The following CORO7 variants were observed in gnomAD, a reference collection of about 807,000 sequenced individuals.
CORO7 encodes coronin 7, also known as coronin-7.
Under a neutral mutation model 126.6 loss-of-function variants are expected in CORO7, and 107 were observed. That is an observed-to-expected ratio of 0.85 (90% CI 0.72 to 0.99). CORO7 has a LOEUF of 0.99. CORO7 is among the 50% of genes least tolerant of loss of function. The pLI, the probability that CORO7 is intolerant of heterozygous loss-of-function variation, is 0.00. For missense variants in CORO7, 1,314 were observed against 1,255.8 expected, an observed-to-expected ratio of 1.05 and a Z score of -0.70; for synonymous variants, 603 against 536.8, an observed-to-expected ratio of 1.12 and a Z score of -1.70.
rs1345132853 is a variant in CORO7, at chr16:4,408,214, G to T, written c.270C>A (p.Asp90Glu). The T allele has an allele frequency of 1.2e-6, 2 of 1,614,120 alleles. No homozygotes were observed. The highest frequency in any genetic ancestry group is 1.3e-5 in the African/African-American group (1 of 74,934). Residue 90 changes from aspartate (D) to glutamate (E), a missense_variant, in exon 4 of 28, where the codon GAC becomes GAA. Asp to Glu is a conservative substitution (Grantham distance 45, BLOSUM62 2). Coordinates refer to ENST00000251166, the MANE Select transcript of CORO7 (RefSeq NM_024535.5). ...CAGCCGAGCCTGTGGCCAGGAGGAA[G>T]TCATCAAAGGGCGAGAAGTCCAAGT... ...VTDLDFSPFDDFLLATGSADR... is the reference protein window; with the variant it reads ...VTDLDFSPFDEFLLATGSADR...
At chr16:4,395,223 T>G in intron 7 of CORO7, 66 bp downstream of exon 7, 1 of 1,611,368 alleles carries the variant, frequency 6.2e-7, no homozygotes, top group Non-Finnish European at 8.5e-7. Context: ...CTCCACCTGC[T>G]AGAACCACTG....
chr16:4,381,894 C>T, intron 9 of CORO7: 3 of 1,605,810 alleles, frequency 1.9e-6, no homozygotes, highest in Non-Finnish European at 2.5e-6. Flanking sequence ...GCCGGCTGCT[C>T]CTGGAGCTTG....
At chr16:4,356,961 G>A in intron 26 of CORO7, 1 of 685,080 alleles carries the variant, frequency 1.5e-6, no homozygotes, top group East Asian at 2.8e-5. Flanking sequence ...CCTGGCCAGG[G>A]CAGGGCTCCC....
In CORO7 at chr16:4,370,597, C is replaced by T. The variant is rs570034098; in HGVS notation, c.786-5052G>A. On this transcript the variant is annotated intron_variant, in intron 9 of 27. Coordinates refer to ENST00000251166, the MANE Select transcript of CORO7 (RefSeq NM_024535.5). ...GCCCTAATCCATGTAGACCGAGAAA[C>T]GTATGGGTTGTGGAGCCCTGCCAGC... Among the ~76,000 whole-genome samples the T allele has an allele frequency of 2.6e-5, 4 of 152,342 alleles. No homozygotes were observed. The East Asian group carries it at 7.7e-4, about 29-fold the overall frequency.
At position 4,364,428 on chromosome 16, in the gene CORO7, G is replaced by A. The variant is rs1213856980; in HGVS notation, c.1138-15C>T. The A allele has an allele frequency of 4.0e-6, 6 of 1,493,620 alleles. No homozygotes were observed. The highest frequency in any genetic ancestry group is 2.3e-4 in the Middle Eastern group (1 of 4,260). 92.5% of individuals were successfully genotyped at this position (1,493,620 alleles called of 1,614,324 possible). A position where few individuals can be genotyped will look rare whatever the true frequency, so the allele number is the denominator to read the frequency against. On this transcript the variant is annotated splice_polypyrimidine_tract_variant and intron_variant, in intron 13 of 27. Coordinates refer to ENST00000251166, the MANE Select transcript of CORO7 (RefSeq NM_024535.5). ...ACCTTCTGCACCTGCATGGAGGCCG[G>A]CAGTGGGGAGATGGGGGCATGGGCT...
chr16:4,402,681 C>T (rs556272625), intron 6 of CORO7, among the ~76,000 whole-genome samples: 5 of 152,264 alleles, frequency 3.3e-5, no homozygotes, highest in South Asian at 2.1e-4. Context: ...GAGCTTAACG[C>T]GGGGTCCAAA....
intron 6 of CORO7, among the ~76,000 whole-genome samples, chr16:4,405,029 G>C (rs986601639): frequency 6.6e-6 from 1 of 152,130 alleles, no homozygotes; most frequent in Non-Finnish European, 1.5e-5. Context: ...ACGCGTCCCT[G>C]GCCTGTCCAA....
At chr16:4,385,929 C>T (rs1454113851) in intron 9 of CORO7, among the ~76,000 whole-genome samples, 1 of 152,244 alleles carries the variant, frequency 6.6e-6, no homozygotes, top group Non-Finnish European at 1.5e-5. Flanking sequence ...ATGCAGTTGC[C>T]AACCTCCCCA....
chr16:4,380,098 T>C (rs2054899656), intron 9 of CORO7, among the ~76,000 whole-genome samples: 1 of 146,292 alleles, frequency 6.8e-6, no homozygotes, highest in Non-Finnish European at 1.5e-5. Flanking sequence ...CTCTGCAGAG[T>C]TTTCCCAGGC....
At chr16:4,408,581 T>C (rs1362221298) in intron 3 of CORO7, among the ~76,000 whole-genome samples, 1 of 152,232 alleles carries the variant, frequency 6.6e-6, no homozygotes, top group East Asian at 1.9e-4. Context: ...CACTGCTCCT[T>C]CAGTCGTGGA....
At chr16:4,370,684 C>T (rs914977563) in intron 9 of CORO7, among the ~76,000 whole-genome samples, 4 of 152,178 alleles carry the variant, frequency 2.6e-5, no homozygotes, top group African/African-American at 9.7e-5. Flanking sequence ...GGTGACTGTC[C>T]CAGCCAGGCC....
intron 21 of CORO7, 71 bp downstream of exon 21, chr16:4,360,207 G>T: frequency 6.3e-7 from 1 of 1,597,576 alleles, no homozygotes; most frequent in South Asian, 1.1e-5. Flanking sequence ...CCTGACAAAT[G>T]TATGTGACTG....
intron 9 of CORO7, among the ~76,000 whole-genome samples, chr16:4,367,786 G>A (rs1032232618): frequency 1.3e-5 from 2 of 152,300 alleles, no homozygotes; most frequent in East Asian, 1.9e-4. Flanking sequence ...GTGGGTGAGG[G>A]CTGAGGCTCA....
At chr16:4,399,880 C>G (rs941003198) in intron 6 of CORO7, among the ~76,000 whole-genome samples, 4 of 152,056 alleles carry the variant, frequency 2.6e-5, no homozygotes, top group Admixed American at 2.6e-4. Context: ...TATGTGTTTT[C>G]TTACCACAAT....
chr16:4,402,978 G>T (rs2055867592), intron 6 of CORO7, among the ~76,000 whole-genome samples: 1 of 152,132 alleles, frequency 6.6e-6, no homozygotes, highest in Non-Finnish European at 1.5e-5. Flanking sequence ...GGACAGGAGT[G>T]GAAGCCAGGG....
rs374950103 is a variant in CORO7 at position 4,382,627 on chromosome 16, G to A, written c.785+5359C>T. ...GCTCCTCATTGCGCCCGCCCTGGCC[G>A]CGGTGCTCCTGGCCGCGCTGGCTGC... On this transcript the variant is annotated intron_variant, in intron 9 of 27. Transcript: ENST00000251166. 1.5e-4 allele frequency: 240 copies of A among 1,571,692 alleles called. No individual in the cohort carries two copies. The highest frequency in any genetic ancestry group is 5.0e-4 in the Middle Eastern group (3 of 5,968).
chr16:4,378,870 C>T (rs1426212112), intron 9 of CORO7, among the ~76,000 whole-genome samples: 2 of 152,008 alleles, frequency 1.3e-5, no homozygotes, highest in African/African-American at 2.4e-5. Flanking sequence ...TGCTTGTTGT[C>T]GCTAACTGGC....
intron 2 of CORO7, 106 bp from the exon 3 acceptor site, chr16:4,412,536 C>A: frequency 8.6e-7 from 1 of 1,167,094 alleles, no homozygotes; most frequent in Non-Finnish European, 1.3e-6. Flanking sequence ...TCGGACCTTC[C>A]CAGAGCCTCT....
chr16:4,382,990 C>T (rs2055055710), intron 9 of CORO7: 1 of 1,347,382 alleles, frequency 7.4e-7, no homozygotes, highest in Admixed American at 3.1e-5. Context: ...GTTCTCAGTC[C>T]CAACCTCGGG....
Sources: allele counts gnomAD v4.1 joint callset (sites outside exome capture counted in the v4.1 genomes callset), GRCh38; gene constraint gnomAD v4.1.1; transcripts MANE v1.5; gene names NCBI Gene and HGNC (gene_info 2026-07-23, HGNC 2026-07-21).